FRMD1: variants seen among roughly 807,000 people sequenced by gnomAD.
The protein encoded by FRMD1 is FERM domain containing 1.
A neutral mutation model predicts 54.9 loss-of-function variants in FRMD1; 51 were observed. The observed-to-expected ratio is 0.93, with a 90% CI of 0.74 to 1.17. FRMD1 has a LOEUF of 1.17. Ranked by LOEUF, FRMD1 falls within the 50% of genes most tolerant of loss-of-function variation. The pLI, the probability that FRMD1 is intolerant of heterozygous loss-of-function variation, is 0.00. For synonymous variants in FRMD1, 324 were observed against 306.4 expected (o/e 1.06, Z -0.60); for missense variants, 729 against 743.0 (o/e 0.98, Z 0.22).
chr6:168,067,809 T>TA (rs1255041835), intron 2 of FRMD1, among the ~76,000 whole-genome samples: 1 of 152,176 alleles, frequency 6.6e-6, no homozygotes, highest in Non-Finnish European at 1.5e-5. Flanking sequence ...ATGAGTCGTT[T>TA]AAAAAATAGA....
At chr6:168,086,051 A>G (rs367663645), upstream of FRMD1, among the ~76,000 whole-genome samples, 122 of 152,360 alleles carry the variant, frequency 8.0e-4, 1 homozygote, top group African/African-American at 2.3e-3. Flanking sequence ...CCTCCCTGTC[A>G]TGAGGGCTCC....
upstream of FRMD1, among the ~76,000 whole-genome samples, chr6:168,083,326 A>G (rs1380643964): frequency 2.6e-5 from 4 of 152,182 alleles, no homozygotes; most frequent in African/African-American, 4.8e-5. Context: ...GGCGCTGGAA[A>G]GGCCGTGACC....
intron 10 of FRMD1, 127 bp downstream of exon 10, chr6:168,058,997 T>A: frequency 5.7e-6 from 4 of 702,652 alleles, no homozygotes; most frequent in Non-Finnish European, 7.0e-6. Context: ...CCGCTGCGTC[T>A]CTGGGGATGT....
chr6:168,077,283 G>GT (rs970757626), intron 1 of FRMD1, among the ~76,000 whole-genome samples: 1 of 150,104 alleles, frequency 6.7e-6, no homozygotes, highest in Non-Finnish European at 1.5e-5. Flanking sequence ...CACTCCGATG[G>GT]GGGGGGGTTC....
rs371898994 is a variant in FRMD1, at chr6:168,091,932, G to A, written c.-12+9493C>T. Among the ~76,000 whole-genome samples, 13 of 152,332 alleles carry A rather than the reference G, an allele frequency of 8.5e-5. No individual in the cohort carries two copies. In the South Asian group the frequency reaches 2.7e-3, roughly 32 times the overall value. ...GAAGAAATGGTCAAGAGTGGCCAGT[G>A]GCCAGTGACCAGTAGCCCCACGTTC... is the stretch of plus-strand genomic sequence containing the variant. On this transcript the variant is annotated intron_variant, in intron 1 of 12. Coordinates refer to the FRMD1 transcript ENST00000644440.
chr6:168,059,597 T>C lies in FRMD1; in HGVS notation c.1343-409A>G, dbSNP rs1213748143. 6.6e-6 allele frequency among the ~76,000 whole-genome samples: 1 copy of C among 152,138 alleles called. No homozygotes were observed. Among genetic ancestry groups the C allele is most frequent in the Non-Finnish European group, 1.5e-5 (1 of 68,002 alleles). On this transcript the variant is annotated intron_variant, in intron 9 of 10. Coordinates refer to ENST00000283309, the MANE Select transcript of FRMD1 (RefSeq NM_024919.6). The surrounding 1 kb of genome is among the most constrained non-coding windows in gnomAD (Gnocchi z 4.4). Reference sequence around the variant, plus strand: ...GATGGCCCTGGGTGACTGTAGGTGATGCTGGGCGGTCCTGGGTGACTGAGC... The same window carrying C: ...GATGGCCCTGGGTGACTGTAGGTGACGCTGGGCGGTCCTGGGTGACTGAGC...
chr6:168,063,157 C>T (rs1799840369), intron 6 of FRMD1, among the ~76,000 whole-genome samples, 198 bp from the exon 7 acceptor site: 1 of 152,216 alleles, frequency 6.6e-6, no homozygotes, highest in South Asian at 2.1e-4. Flanking sequence ...TGCCTTTCAT[C>T]ATGCCAGATA....
At chr6:168,072,327 G>A (rs527950168) in intron 2 of FRMD1, among the ~76,000 whole-genome samples, 12 of 152,314 alleles carry the variant, frequency 7.9e-5, no homozygotes, top group South Asian at 2.1e-4. Flanking sequence ...TCTAGGTTTC[G>A]GGGACATCAG....
chr6:168,092,790 C>T (rs1016025202), intron 1 of FRMD1, among the ~76,000 whole-genome samples: 1 of 152,214 alleles, frequency 6.6e-6, no homozygotes, highest in African/African-American at 2.4e-5. Flanking sequence ...ATCCAGTCAC[C>T]ACCAGGGTGA....
intron 1 of FRMD1, among the ~76,000 whole-genome samples, chr6:168,078,005 C>T (rs1202577177): frequency 3.3e-5 from 5 of 152,212 alleles, no homozygotes; most frequent in Admixed American, 1.3e-4. Context: ...AGACAAGAGA[C>T]TCCCAGATTC....
chr6:168,061,400 T>C (rs1324535347), intron 8 of FRMD1, among the ~76,000 whole-genome samples: 4 of 148,936 alleles, frequency 2.7e-5, no homozygotes, highest in African/African-American at 5.0e-5. Flanking sequence ...GCCAGGCCTG[T>C]GGGTAAACAC....
At chr6:168,057,427 G>A in intron 10 of FRMD1, 88 bp from the exon 11 acceptor site, 1 of 1,549,026 alleles carries the variant, frequency 6.5e-7, no homozygotes, top group Non-Finnish European at 8.7e-7. Flanking sequence ...TGGCCACAGA[G>A]CCACACTCCC....
At chr6:168,060,686 C>T (rs980639034) in intron 9 of FRMD1, 75 bp downstream of exon 9, 66 of 1,481,296 alleles carry the variant, frequency 4.5e-5, no homozygotes, top group Admixed American at 1.7e-4. Flanking sequence ...GCCTCGGTGT[C>T]CAGGGTCAGC....
intron 7 of FRMD1, chr6:168,062,608 C>T: frequency 6.8e-7 from 1 of 1,469,010 alleles, no homozygotes; most frequent in South Asian, 1.3e-5. Flanking sequence ...CCAGAAAATG[C>T]CCCGAGGATG....
At chr6:168,092,176 A>T (rs1486410210) in intron 1 of FRMD1, among the ~76,000 whole-genome samples, 1 of 152,230 alleles carries the variant, frequency 6.6e-6, no homozygotes, top group Non-Finnish European at 1.5e-5. Context: ...GTCTGCTCTG[A>T]GGCTTGATGG....
Position 168,090,964 on chromosome 6 carries a change from C to T in FRMD1, c.-12+10461G>A, listed in dbSNP as rs139001798. The stretch of plus-strand genomic sequence containing the variant: ...GATCCAGGCCATTTGCTGGAGACCT[C>T]AGGTCGGCAGGAAGCCCTCACTGGC... On this transcript the variant is annotated intron_variant, in intron 1 of 12. Coordinates refer to the FRMD1 transcript ENST00000644440. Among the ~76,000 whole-genome samples the T allele has an allele frequency of 4.5e-4, 68 of 152,332 alleles. 1 individual carries two copies. Among genetic ancestry groups the T allele is most frequent in the African/African-American group, 1.5e-3 (62 of 41,580 alleles).
At chr6:168,085,575 C>T (rs539465980), upstream of FRMD1, among the ~76,000 whole-genome samples, 90 of 152,312 alleles carry the variant, frequency 5.9e-4, 1 homozygote, top group Admixed American at 1.4e-3. Context: ...CAGAGGAGGT[C>T]GGTCACTTTC....
At chr6:168,062,575 C>A (rs531842323) in intron 7 of FRMD1, 1 of 1,263,606 alleles carries the variant, frequency 7.9e-7, no homozygotes, top group Non-Finnish European at 1.1e-6. Context: ...AAGGGACCTG[C>A]ACCTCTTCGG....
upstream of FRMD1, among the ~76,000 whole-genome samples, chr6:168,085,432 A>G (rs2115029694): frequency 6.6e-6 from 1 of 152,212 alleles, no homozygotes; most frequent in Non-Finnish European, 1.5e-5. Context: ...AAGGCTTGGG[A>G]CAGCTGTGGG....
Sources: gnomAD v4.1 joint callset for allele counts (sites outside exome capture counted in the v4.1 genomes callset) on GRCh38, gnomAD v4.1.1 for gene constraint, Gnocchi (gnomAD v3.1) non-coding constraint, MANE v1.5 for transcripts, NCBI Gene and HGNC (gene_info 2026-07-23, HGNC 2026-07-21) for gene names.